Variants in PTPRK observed in about 807,000 individuals in gnomAD.
PTPRK encodes the protein receptor-type tyrosine-protein phosphatase kappa.
In PTPRK, 75 loss-of-function variants were observed where a neutral mutation model predicts 178.0. The observed-to-expected ratio is 0.42, with a 90% CI of 0.35 to 0.51. The LOEUF is 0.51. Among genes scored for constraint, PTPRK ranks in the 20% least tolerant of loss-of-function variants. The pLI, the probability that PTPRK is intolerant of heterozygous loss-of-function variation, is 0.02. For missense variants in PTPRK, 1,441 were observed against 1,797.8 expected (o/e 0.80, Z 3.59); for synonymous variants, 637 against 620.6 (o/e 1.03, Z -0.39).
intron 3 of PTPRK, among the ~76,000 whole-genome samples, chr6:128,280,808 C>T (rs1821545538): frequency 6.6e-6 from 1 of 151,928 alleles, no homozygotes; most frequent in African/African-American, 2.4e-5. Flanking sequence ...GTATGTGAAA[C>T]ATATATTTAG....
At chr6:128,019,162 T>G (rs1315325151) in intron 13 of PTPRK, among the ~76,000 whole-genome samples, 1 of 152,148 alleles carries the variant, frequency 6.6e-6, no homozygotes, top group African/African-American at 2.4e-5. Context: ...AGTTTTCAAA[T>G]AAAGAAAGAC....
chr6:128,041,847 G>A (rs1490145670), intron 13 of PTPRK, among the ~76,000 whole-genome samples: 1 of 137,208 alleles, frequency 7.3e-6, no homozygotes, highest in Non-Finnish European at 1.5e-5. Flanking sequence ...ACATTTGTGT[G>A]TTGTCTGTGT....
chr6:128,418,024 T>C (rs1843031927), intron 1 of PTPRK, among the ~76,000 whole-genome samples: 1 of 152,234 alleles, frequency 6.6e-6, no homozygotes, highest in Non-Finnish European at 1.5e-5. Context: ...TAAATTATTT[T>C]AGATGCAAAG....
chr6:128,171,784 T>G (rs1464005793), intron 7 of PTPRK, among the ~76,000 whole-genome samples: 2 of 151,998 alleles, frequency 1.3e-5, no homozygotes, highest in Non-Finnish European at 2.9e-5. Flanking sequence ...ATTTCTTCAT[T>G]AGATCAATTC....
At chr6:128,177,890 T>C (rs1235827650) in intron 7 of PTPRK, among the ~76,000 whole-genome samples, 1 of 151,698 alleles carries the variant, frequency 6.6e-6, no homozygotes, top group Non-Finnish European at 1.5e-5. Flanking sequence ...ACCCCAGAGG[T>C]TTAAAAAAAC....
chr6:128,239,132 T>TTG (rs1383935694), intron 5 of PTPRK, among the ~76,000 whole-genome samples: 3 of 151,244 alleles, frequency 2.0e-5, no homozygotes, highest in African/African-American at 7.3e-5. Context: ...CTTGTTTTTT[T>TTG]TTTTTTTTTT....
chr6:128,516,405 C>G (rs1368921315), intron 1 of PTPRK, among the ~76,000 whole-genome samples: 1 of 151,690 alleles, frequency 6.6e-6, no homozygotes, highest in African/African-American at 2.4e-5. Flanking sequence ...GAAAAAAAAA[C>G]AGTCCTGGAA....
At chr6:127,996,618 C>T (rs1056082080) in intron 17 of PTPRK, among the ~76,000 whole-genome samples, 7 of 152,072 alleles carry the variant, frequency 4.6e-5, no homozygotes, top group Non-Finnish European at 1.0e-4. Flanking sequence ...ATTACAGGTG[C>T]GTGCCACCAA....
At chr6:128,004,408 A>G (rs896432760) in intron 15 of PTPRK, among the ~76,000 whole-genome samples, 1 of 151,864 alleles carries the variant, frequency 6.6e-6, no homozygotes, top group Non-Finnish European at 1.5e-5. Flanking sequence ...TATTAAAATC[A>G]TCTGCTTTTA....
intron 2 of PTPRK, among the ~76,000 whole-genome samples, chr6:128,337,773 A>G (rs1831141364): frequency 6.6e-6 from 1 of 152,194 alleles, no homozygotes; most frequent in Admixed American, 6.6e-5. Flanking sequence ...TCTGGCTATG[A>G]AATCATGTAA....
intron 7 of PTPRK, among the ~76,000 whole-genome samples, chr6:128,125,051 A>G (rs951677021): frequency 3.3e-5 from 5 of 152,216 alleles, no homozygotes; most frequent in Admixed American, 2.0e-4. Context: ...GCTGCTTTCT[A>G]TAATTAATCC....
chr6:128,007,205 C>T (rs1018744177), intron 14 of PTPRK, among the ~76,000 whole-genome samples: 1 of 150,684 alleles, frequency 6.6e-6, no homozygotes, highest in Admixed American at 6.6e-5. Context: ...GTGTGACACG[C>T]TACATATGAG....
intron 1 of PTPRK, among the ~76,000 whole-genome samples, chr6:128,452,309 A>C (rs569715365): frequency 6.6e-6 from 1 of 152,142 alleles, no homozygotes; most frequent in East Asian, 1.9e-4. Context: ...TCTTCTTTTC[A>C]CTTAAAATAT....
intron 25 of PTPRK, among the ~76,000 whole-genome samples, chr6:127,978,198 C>A (rs1386364057): frequency 6.6e-6 from 1 of 152,168 alleles, no homozygotes; most frequent in African/African-American, 2.4e-5. Flanking sequence ...TGAGTGTCTC[C>A]TAAGAAAGGC....
chr6:128,118,191 C>A (rs957897596), intron 7 of PTPRK, among the ~76,000 whole-genome samples: 8 of 152,152 alleles, frequency 5.3e-5, no homozygotes, highest in African/African-American at 1.9e-4. Flanking sequence ...GCTCTTCTAT[C>A]CATCAGAGTT....
chr6:128,273,569 C>T (rs73596649), intron 3 of PTPRK, among the ~76,000 whole-genome samples: 6,763 of 152,070 alleles, frequency 0.044, 500 homozygotes, highest in African/African-American at 0.15. Flanking sequence ...CCCGAATCTC[C>T]AAAACTCCAT....
At chr6:128,444,913 T>C (rs923527214) in intron 1 of PTPRK, among the ~76,000 whole-genome samples, 1 of 152,124 alleles carries the variant, frequency 6.6e-6, no homozygotes, top group Non-Finnish European at 1.5e-5. Flanking sequence ...ACTTCATGTA[T>C]AAAATAGTTC....
intron 7 of PTPRK, among the ~76,000 whole-genome samples, chr6:128,108,611 T>C (rs570001899): frequency 4.6e-5 from 7 of 152,230 alleles, no homozygotes; most frequent in African/African-American, 1.7e-4. Context: ...AAAACAATAT[T>C]CTCTTTAACA....
At chr6:128,174,299 C>T (rs932669953) in intron 7 of PTPRK, among the ~76,000 whole-genome samples, 1 of 151,802 alleles carries the variant, frequency 6.6e-6, no homozygotes, top group African/African-American at 2.4e-5. Context: ...TGTGGCTATC[C>T]AGAAAGAAGA....
Sources: allele counts gnomAD v4.1 joint callset (sites outside exome capture counted in the v4.1 genomes callset), GRCh38; gene constraint gnomAD v4.1.1; transcripts MANE v1.5; gene names NCBI Gene and HGNC (gene_info 2026-07-23, HGNC 2026-07-21).